The following ANKS1B variants were observed in gnomAD, a reference collection of about 807,000 sequenced individuals.
ANKS1B encodes ankyrin repeat and sterile alpha motif domain-containing protein 1B.
A neutral mutation model predicts 148.3 loss-of-function variants in ANKS1B; 36 were observed. That is an observed-to-expected ratio of 0.24 (90% CI 0.19 to 0.32). The LOEUF is 0.32. Ranked by LOEUF, ANKS1B falls within the 10% of genes least tolerant of loss-of-function variation. The pLI, the probability that ANKS1B is intolerant of heterozygous loss-of-function variation, is 1.00. For synonymous variants in ANKS1B, 542 were observed against 560.8 expected, an observed-to-expected ratio of 0.97 and a Z score of 0.47; for missense variants, 1,157 against 1,542.6, an observed-to-expected ratio of 0.75 and a Z score of 4.19.
At chr12:99,432,891 G>T (rs192474177) in intron 11 of ANKS1B, among the ~76,000 whole-genome samples, 1 of 152,236 alleles carries the variant, frequency 6.6e-6, no homozygotes, top group East Asian at 1.9e-4. Context: ...GTAGGAGATG[G>T]GTTAAGAGGT....
rs1057214007 is a variant in ANKS1B, at chr12:99,824,328, C to T, written c.215+981G>A. On this transcript the variant is annotated intron_variant, in intron 2 of 26. Coordinates refer to ENST00000683438, the MANE Select transcript of ANKS1B (RefSeq NM_001352186.2). ...CAGCCTGATCAACATGGTGAAACCCCGTCTCTACTAAAAATACAAAAATTG... is the reference window on the plus strand; with the variant it reads ...CAGCCTGATCAACATGGTGAAACCCTGTCTCTACTAAAAATACAAAAATTG... Among the ~76,000 whole-genome samples the T allele has an allele frequency of 2.6e-5, 4 of 151,560 alleles. No individual in the cohort carries two copies. The South Asian group carries it at 6.3e-4, about 24-fold the overall frequency.
rs527293949 is a variant in ANKS1B at position 99,638,582 on chromosome 12, G to C, written c.1272+16485C>G. 2.0e-5 allele frequency among the ~76,000 whole-genome samples: 3 copies of C among 152,204 alleles called. No individual in the cohort carries two copies. In the South Asian group the frequency reaches 6.2e-4, roughly 32 times the overall value. On this transcript the variant is annotated intron_variant, in intron 9 of 26. Coordinates refer to ENST00000683438, the MANE Select transcript of ANKS1B (RefSeq NM_001352186.2). Reference sequence around the variant, plus strand: ...GCAGCAAAGCATTCAAGAGGAAAGAGAGCATAAAAGTTTAGAATATTTGCA... The same window carrying C: ...GCAGCAAAGCATTCAAGAGGAAAGACAGCATAAAAGTTTAGAATATTTGCA...
intron 17 of ANKS1B, chr12:99,048,794 G>T (rs2099964080): frequency 6.6e-6 from 1 of 152,274 alleles, no homozygotes; most frequent in Non-Finnish European, 1.5e-5. Flanking sequence ...CAAAACTTGG[G>T]CTGGCTGAGG....
chr12:99,984,279 G>A lies in ANKS1B; in HGVS notation c.-42C>T. 4 of 1,570,086 alleles carry A rather than the reference G, an allele frequency of 2.5e-6. No homozygotes were observed. Among genetic ancestry groups the A allele is most frequent in the Non-Finnish European group, 3.5e-6 (4 of 1,156,356 alleles). On this transcript the variant is annotated 5_prime_UTR_variant, in exon 1 of 27. Coordinates refer to ENST00000683438, the MANE Select transcript of ANKS1B (RefSeq NM_001352186.2). ...CCCCACAGAGTCCTTGCCCCCCTCG[G>A]GTCCTCCTCCCCACCCACCCCCACT...
At chr12:99,562,709 T>C (rs927572420) in intron 9 of ANKS1B, among the ~76,000 whole-genome samples, 17 of 152,280 alleles carry the variant, frequency 1.1e-4, no homozygotes, top group African/African-American at 4.1e-4. Flanking sequence ...CATCAGATCT[T>C]GTGAAAACTC....
chr12:99,464,221 A>G (rs968896178), intron 10 of ANKS1B, among the ~76,000 whole-genome samples: 1 of 152,204 alleles, frequency 6.6e-6, no homozygotes, highest in Admixed American at 6.5e-5. Flanking sequence ...ACAGACCTGC[A>G]GCTGAGGGTC....
intron 16 of ANKS1B, among the ~76,000 whole-genome samples, chr12:99,057,481 CT>C (rs1291094252): frequency 6.6e-6 from 1 of 152,132 alleles, no homozygotes; most frequent in Non-Finnish European, 1.5e-5. Flanking sequence ...CCTTCTTTAT[CT>C]TGTTTTAGAA....
At chr12:99,683,931 A>C (rs1171564532) in intron 8 of ANKS1B, among the ~76,000 whole-genome samples, 2 of 152,154 alleles carry the variant, frequency 1.3e-5, no homozygotes, top group African/African-American at 4.8e-5. Context: ...TAAAATCCTC[A>C]GTAAAATTGG....
At chr12:99,767,301 G>A (rs1182178640) in intron 8 of ANKS1B, among the ~76,000 whole-genome samples, 1 of 152,018 alleles carries the variant, frequency 6.6e-6, no homozygotes, top group Non-Finnish European at 1.5e-5. Context: ...TTTAGATGCT[G>A]CTTGTGTCAA....
At chr12:99,036,990 A>G (rs1012352860) in intron 17 of ANKS1B, among the ~76,000 whole-genome samples, 2 of 152,222 alleles carry the variant, frequency 1.3e-5, no homozygotes, top group African/African-American at 4.8e-5. Context: ...GTAGGAATGC[A>G]TAACATAATG....
At chr12:99,683,927 C>A (rs2098635409) in intron 8 of ANKS1B, among the ~76,000 whole-genome samples, 1 of 151,974 alleles carries the variant, frequency 6.6e-6, no homozygotes, top group South Asian at 2.1e-4. Context: ...TGGTTAAAAT[C>A]CTCAGTAAAA....
intron 16 of ANKS1B, among the ~76,000 whole-genome samples, chr12:99,060,708 T>G (rs374578949): frequency 8.9e-4 from 126 of 140,976 alleles, no homozygotes; most frequent in South Asian, 5.1e-3. Context: ...CACATATATA[T>G]AGAGAGAGAG....
chr12:99,244,616 T>C (rs11109771), intron 13 of ANKS1B, among the ~76,000 whole-genome samples: 10 of 152,250 alleles, frequency 6.6e-5, no homozygotes, highest in Non-Finnish European at 1.2e-4. Flanking sequence ...ATGTTCCCCT[T>C]TCTTAAACTT....
At chr12:99,980,901 C>G (rs374651706) in intron 1 of ANKS1B, among the ~76,000 whole-genome samples, 19 of 151,888 alleles carry the variant, frequency 1.3e-4, no homozygotes, top group African/African-American at 4.3e-4. Flanking sequence ...TTACAGCTGT[C>G]AAAAATAGAA....
chr12:99,235,355 C>T (rs2087703080), intron 14 of ANKS1B, among the ~76,000 whole-genome samples: 1 of 152,054 alleles, frequency 6.6e-6, no homozygotes, highest in Non-Finnish European at 1.5e-5. Context: ...ACCATTCCAG[C>T]ACAGAAGCAC....
At chr12:99,214,132 ATC>A (rs2083776986) in intron 14 of ANKS1B, among the ~76,000 whole-genome samples, 1 of 152,086 alleles carries the variant, frequency 6.6e-6, no homozygotes. Context: ...AAAAAAAAAA[ATC>A]TGTCTAAATA....
intron 9 of ANKS1B, among the ~76,000 whole-genome samples, chr12:99,512,138 G>T (rs1409081760): frequency 6.6e-6 from 1 of 151,960 alleles, no homozygotes; most frequent in Non-Finnish European, 1.5e-5. Context: ...CCTACAGAGT[G>T]GGATAAAATT....
chr12:98,888,244 G>A (rs185509368), intron 17 of ANKS1B, among the ~76,000 whole-genome samples: 14 of 152,294 alleles, frequency 9.2e-5, no homozygotes, highest in Non-Finnish European at 1.8e-4. Context: ...ATAGGGAACT[G>A]TTATTTTGTA....
At chr12:99,317,697 C>G (rs964798925) in intron 12 of ANKS1B, among the ~76,000 whole-genome samples, 3 of 152,198 alleles carry the variant, frequency 2.0e-5, no homozygotes, top group Non-Finnish European at 4.4e-5. Context: ...ACTTCCAACA[C>G]TATGTTGAAT....
Sources: allele counts gnomAD v4.1 joint callset (sites outside exome capture counted in the v4.1 genomes callset), GRCh38; gene constraint gnomAD v4.1.1; transcripts MANE v1.5; gene names NCBI Gene and HGNC (gene_info 2026-07-23, HGNC 2026-07-21).